The following SBF2 variants were observed in gnomAD, a reference collection of about 807,000 sequenced individuals.
SBF2 encodes the protein SET binding factor 2.
Under a neutral mutation model 225.2 loss-of-function variants are expected in SBF2, and 112 were observed. The ratio of observed to expected loss-of-function variants is 0.50; its 90% CI spans 0.43 to 0.58. SBF2 has a LOEUF of 0.58. Ranked by LOEUF, SBF2 falls within the 20% of genes least tolerant of loss-of-function variation. SBF2 has a pLI of 0.00. For missense variants in SBF2, 1,996 were observed against 2,206.2 expected (o/e 0.90, Z 1.91); for synonymous variants, 763 against 773.3 (o/e 0.99, Z 0.22).
chr11:10,060,259 C>A (rs1202703211), intron 2 of SBF2, among the ~76,000 whole-genome samples: 1 of 152,084 alleles, frequency 6.6e-6, no homozygotes, highest in Non-Finnish European at 1.5e-5. Flanking sequence ...CCCCTCCGCA[C>A]ACAAAAACTA....
intron 30 of SBF2, chr11:9,811,439 G>A (rs571420067): frequency 6.6e-6 from 1 of 152,218 alleles, no homozygotes; most frequent in African/African-American, 2.4e-5. Flanking sequence ...CTATCTTTTG[G>A]TACAGGTCCA....
chr11:10,009,299 T>A (rs1321789143), intron 6 of SBF2, among the ~76,000 whole-genome samples: 2 of 152,218 alleles, frequency 1.3e-5, no homozygotes, highest in East Asian at 3.8e-4. Context: ...GGGATACATG[T>A]GCAGAACGTG....
At chr11:10,213,725 C>T (rs1261565378) in intron 1 of SBF2, among the ~76,000 whole-genome samples, 3 of 152,156 alleles carry the variant, frequency 2.0e-5, no homozygotes, top group East Asian at 3.9e-4. Context: ...CATCTTTAAG[C>T]ATCACTCAAA....
intron 1 of SBF2, among the ~76,000 whole-genome samples, chr11:10,247,559 T>C (rs930735273): frequency 5.4e-5 from 8 of 148,964 alleles, no homozygotes; most frequent in Non-Finnish European, 7.4e-5. Context: ...CCAGGCGTGG[T>C]GGCAGTCACC....
intron 2 of SBF2, among the ~76,000 whole-genome samples, chr11:10,130,978 T>C (rs1257560592): frequency 6.6e-6 from 1 of 152,184 alleles, no homozygotes; most frequent in African/African-American, 2.4e-5. Context: ...TTTGGGCCAT[T>C]GAAAATAAAA....
intron 17 of SBF2, among the ~76,000 whole-genome samples, chr11:9,867,506 G>C (rs1465700963): frequency 6.6e-6 from 1 of 152,108 alleles, no homozygotes; most frequent in African/African-American, 2.4e-5. Flanking sequence ...ACTAACAGTA[G>C]ATCTACCATA....
intron 2 of SBF2, among the ~76,000 whole-genome samples, chr11:10,057,242 C>A (rs1447174583): frequency 6.6e-6 from 1 of 152,126 alleles, no homozygotes; most frequent in Non-Finnish European, 1.5e-5. Context: ...TGCAGGTCCT[C>A]CAGGCCTGAG....
intron 6 of SBF2, among the ~76,000 whole-genome samples, chr11:10,021,075 A>C (rs1948838026): frequency 1.3e-5 from 2 of 152,216 alleles, no homozygotes; most frequent in South Asian, 4.1e-4. Context: ...ATGTGGTTTA[A>C]CTGTGGAAAC....
At chr11:10,290,405 T>A (rs1964087927) in intron 1 of SBF2, among the ~76,000 whole-genome samples, 1 of 152,026 alleles carries the variant, frequency 6.6e-6, no homozygotes, top group South Asian at 2.1e-4. Flanking sequence ...CTGGGGTGTG[T>A]CAGAGTCTGA....
intron 1 of SBF2, among the ~76,000 whole-genome samples, chr11:10,265,369 T>C (rs1961874477): frequency 6.6e-6 from 1 of 152,042 alleles, no homozygotes; most frequent in South Asian, 2.1e-4. Context: ...GCATGTTGGC[T>C]GCATAAATGT....
In SBF2 at chr11:9,961,959, G is replaced by A. The variant is rs1313931426; in HGVS notation, c.1858C>T (p.Gln620Ter). Residue 620 changes from glutamine (Q) to a stop codon, truncating the protein, a stop_gained and splice_region_variant, in exon 16 of 40, where the codon CAG becomes TAG. Transcript: ENST00000256190. LOFTEE classifies it high-confidence loss of function. ...AATCTGAAAGAACTACAAATTACCT[G>A]TAGAGTACAATTCATCATCCTTATT... Reference protein sequence around the residue: ...YIIRMMNCTLQDCSSLEEYNI... With the variant: ...YIIRMMNCTL The A allele has an allele frequency of 1.2e-6, 2 of 1,612,732 alleles. No homozygotes were observed. The highest frequency in any genetic ancestry group is 1.7e-6 in the Non-Finnish European group (2 of 1,179,028).
At chr11:9,988,740 A>G (rs1947295860) in intron 13 of SBF2, among the ~76,000 whole-genome samples, 1 of 152,214 alleles carries the variant, frequency 6.6e-6, no homozygotes, top group Non-Finnish European at 1.5e-5. Context: ...CATAATCAAA[A>G]GATAAAAAAA....
chr11:9,979,719 T>C (rs924332996), intron 13 of SBF2, among the ~76,000 whole-genome samples: 13 of 152,306 alleles, frequency 8.5e-5, no homozygotes, highest in Middle Eastern at 3.4e-3. Context: ...TCTGAAAATA[T>C]TGCTTCTTAG....
At chr11:9,907,243 C>T (rs1198269980) in intron 16 of SBF2, among the ~76,000 whole-genome samples, 1 of 152,156 alleles carries the variant, frequency 6.6e-6, no homozygotes, top group Admixed American at 6.5e-5. Flanking sequence ...TTCTGCCAGG[C>T]TTATTAGCCC....
At chr11:10,286,166 GCACACA>G (rs57445416) in intron 1 of SBF2, among the ~76,000 whole-genome samples, 127 of 147,276 alleles carry the variant, frequency 8.6e-4, no homozygotes, top group African/African-American at 1.2e-3. Flanking sequence ...ACACGCACAC[GCACACA>G]CACACACACA....
At chr11:9,851,353 G>C (rs1856939627) in intron 21 of SBF2, among the ~76,000 whole-genome samples, 1 of 152,074 alleles carries the variant, frequency 6.6e-6, no homozygotes, top group Non-Finnish European at 1.5e-5. Context: ...TTTCTACAAT[G>C]TGTATTTCTT....
intron 9 of SBF2, among the ~76,000 whole-genome samples, chr11:9,995,117 T>C (rs1467072868): frequency 6.6e-6 from 1 of 151,502 alleles, no homozygotes; most frequent in Non-Finnish European, 1.5e-5. Context: ...GGTGAAAGTA[T>C]AAAACTATGT....
intron 1 of SBF2, among the ~76,000 whole-genome samples, chr11:10,214,633 AAAAC>A (rs1958062728): frequency 6.6e-6 from 1 of 152,150 alleles, no homozygotes; most frequent in Non-Finnish European, 1.5e-5. Flanking sequence ...AAAAATACAA[AAAAC>A]AAACAAACAA....
intron 16 of SBF2, among the ~76,000 whole-genome samples, chr11:9,944,035 A>G (rs1198580851): frequency 6.6e-6 from 1 of 152,218 alleles, no homozygotes; most frequent in Non-Finnish European, 1.5e-5. Flanking sequence ...GAAAATAAAT[A>G]AGCCGTAACT....
Sources: allele counts gnomAD v4.1 joint callset (sites outside exome capture counted in the v4.1 genomes callset), GRCh38; gene constraint gnomAD v4.1.1; transcripts MANE v1.5; gene names NCBI Gene and HGNC (gene_info 2026-07-23, HGNC 2026-07-21).